RASAL3: variants seen among roughly 807,000 people sequenced by gnomAD.
The protein encoded by RASAL3 is RAS protein activator like-3.
In RASAL3, 74 loss-of-function variants were observed where a neutral mutation model predicts 105.5. The ratio of observed to expected loss-of-function variants is 0.70; its 90% CI spans 0.58 to 0.85. The LOEUF (loss-of-function observed/expected upper bound fraction) is 0.85. RASAL3 is among the 40% of genes least tolerant of loss of function. The pLI, the probability that RASAL3 is intolerant of heterozygous loss-of-function variation, is 0.00. For synonymous variants in RASAL3, 579 were observed against 591.6 expected, an observed-to-expected ratio of 0.98 and a Z score of 0.31; for missense variants, 1,352 against 1,392.0, an observed-to-expected ratio of 0.97 and a Z score of 0.46.
At chr19:15,455,061 C>T (rs960909176) in intron 11 of RASAL3, among the ~76,000 whole-genome samples, 168 bp from the exon 12 acceptor site, 4 of 152,174 alleles carry the variant, frequency 2.6e-5, no homozygotes, top group Non-Finnish European at 5.9e-5. Context: ...GGGGTCTGGG[C>T]TCTAGGATTG....
At chr19:15,455,980 G>T in intron 11 of RASAL3, 124 bp downstream of exon 11, 1 of 1,153,942 alleles carries the variant, frequency 8.7e-7, no homozygotes, top group Non-Finnish European at 1.2e-6. Flanking sequence ...TATAAGCATG[G>T]TCCCAATTAT....
rs1372871579 is a variant in RASAL3 at position 15,453,613 on chromosome 19, T to C, written c.2280-116A>G. 2.9e-6 allele frequency: 3 copies of C among 1,029,844 alleles called. No individual in the cohort carries two copies. The highest frequency in any genetic ancestry group is 3.4e-5 in the African/African-American group (2 of 58,028). 63.8% of individuals were successfully genotyped at this position (1,029,844 alleles called of 1,614,324 possible). On this transcript the variant is annotated intron_variant, in intron 14 of 17. Coordinates refer to ENST00000343625, the MANE Select transcript of RASAL3 (RefSeq NM_022904.3). This position sits in a 1 kb window ranked among gnomAD's most constrained non-coding sequence, Gnocchi z 4.2. ...GAACTTGTCCTTTCTTTTTTTTTTT[T>C]GAGACAAGGTCTTGCTCTGTCGCCC... is the stretch of plus-strand genomic sequence containing the variant.
At position 15,461,411 on chromosome 19, in the gene RASAL3, G is replaced by T. The variant is rs564201575; in HGVS notation, c.465+60C>A. 314 of 1,530,882 alleles carry T rather than the reference G, an allele frequency of 2.1e-4. 1 individual carries two copies. In the African/African-American group the frequency reaches 3.6e-3, roughly 17 times the overall value. 94.8% of individuals were successfully genotyped at this position (1,530,882 alleles called of 1,614,324 possible). A position where few individuals can be genotyped will look rare whatever the true frequency, so the allele number is the denominator to read the frequency against. ...TATCCTCCCTCCAGCCCCTGCCTCT[G>T]TTCTGCCCTCCTCCTTTTTCTTTCT... On this transcript the variant is annotated intron_variant, in intron 3 of 17. Coordinates refer to ENST00000343625, the MANE Select transcript of RASAL3 (RefSeq NM_022904.3).
At chr19:15,452,141 G>C (rs1298477318) in intron 16 of RASAL3, 33 bp from the exon 17 acceptor site, 1 of 1,611,052 alleles carries the variant, frequency 6.2e-7, no homozygotes, top group Non-Finnish European at 8.5e-7. Context: ...GCGAAGGGCA[G>C]AGGCTAAGGA....
Position 15,461,096 on chromosome 19 carries a change from C to T in RASAL3, c.570G>A (p.Pro190=), listed in dbSNP as rs747817614. 9.9e-6 allele frequency: 16 copies of T among 1,613,744 alleles called. No homozygotes were observed. Among genetic ancestry groups the T allele is most frequent in the African/African-American group, 6.7e-5 (5 of 74,906 alleles). ...GGACCTGGTTGGGACCAGCAGTCTC[C>T]GGTTCTGTTTTTCCAGGCATCCGAT... ...DPDRMPGKTE[P]ETAGPNQVHN... is the part of the protein sequence containing the mutation. Residue 190 remains proline, a synonymous_variant, in exon 5 of 18, where the codon CCG becomes CCA. Coordinates refer to ENST00000343625, the MANE Select transcript of RASAL3 (RefSeq NM_022904.3).
chr19:15,454,658 G>C lies in RASAL3; in HGVS notation c.1957C>G (p.Pro653Ala). The C allele has an allele frequency of 6.2e-7, 1 of 1,609,778 alleles. No individual in the cohort carries two copies. Among genetic ancestry groups the C allele is most frequent in the Non-Finnish European group, 8.5e-7 (1 of 1,177,016 alleles). Residue 653 changes from proline to alanine, a missense_variant and splice_region_variant, in exon 12 of 18, where the codon CCG becomes GCG. Coordinates refer to ENST00000343625, the MANE Select transcript of RASAL3 (RefSeq NM_022904.3). The part of the protein sequence containing the change: ...KVIQNLANRA[P>A]FGEKEAYMGF... ...CACCCCTAGCTTCCCAGCACCTACG[G>C]GGCACGGTTGGCGAGGTTCTGGATG...
In RASAL3 at chr19:15,457,004, C is replaced by T; in HGVS notation, c.1431+288G>A. The T allele has an allele frequency of 2.2e-6, 1 of 445,390 alleles. No individual in the cohort carries two copies. The highest frequency in any genetic ancestry group is 6.1e-4 in the Middle Eastern group (1 of 1,634). 27.6% of individuals were successfully genotyped at this position (445,390 alleles called of 1,614,324 possible). A position where few individuals can be genotyped will look rare whatever the true frequency, so the allele number is the denominator to read the frequency against. ...AGGCCCAGTCCTTCAAGGTGCCCCG[C>T]CCCTTACAGGTGCAGCTCAGCCCCA... On this transcript the variant is annotated intron_variant, in intron 9 of 17. Coordinates refer to ENST00000343625, the MANE Select transcript of RASAL3 (RefSeq NM_022904.3). The surrounding 1 kb of genome is among the most constrained non-coding windows in gnomAD (Gnocchi z 8.6).
chr19:15,455,961 AT>A (rs1970301825), intron 11 of RASAL3, 142 bp downstream of exon 11: 7 of 987,656 alleles, frequency 7.1e-6, no homozygotes, highest in Non-Finnish European at 1.0e-5. Flanking sequence ...CAAATGAGTA[AT>A]TTTTTAGTAT....
intron 15 of RASAL3, 76 bp from the exon 16 acceptor site, chr19:15,452,891 C>A: frequency 6.8e-7 from 1 of 1,475,354 alleles, no homozygotes; most frequent in African/African-American, 1.4e-5. Flanking sequence ...ACCTCCCAGG[C>A]CCAAGCGCTC....
intron 2 of RASAL3, among the ~76,000 whole-genome samples, chr19:15,463,140 C>T (rs1970564103): frequency 6.7e-6 from 1 of 149,284 alleles, no homozygotes; most frequent in Non-Finnish European, 1.5e-5. Context: ...GGCGGGAGTG[C>T]AGTAGTGCAA....
Position 15,456,511 on chromosome 19 carries a change from C to G in RASAL3, c.1567G>C (p.Glu523Gln), listed in dbSNP as rs1355938284. 1 of 1,613,740 alleles carries G rather than the reference C, an allele frequency of 6.2e-7. No homozygotes were observed. Among genetic ancestry groups the G allele is most frequent in the South Asian group, 1.1e-5 (1 of 91,016 alleles). ...CTCTCCCCCAGCTCACCCAGGGTCT[C>G]CTGGAGGTAATCCTGTGCCACGAGC... ...MKLVAQDYLQ[E>Q]TLGQVVRRLC... is the part of the protein sequence containing the mutation. Residue 523 changes from glutamate (E) to glutamine (Q), a missense_variant, in exon 10 of 18, where the codon GAG becomes CAG. Transcript: ENST00000343625. The surrounding 1 kb of genome is among the most constrained non-coding windows in gnomAD (Gnocchi z 4.4).
Position 15,454,670 on chromosome 19 carries a change from C to A in RASAL3, c.1945G>T (p.Ala649Ser). 1 of 1,608,872 alleles carries A rather than the reference C, an allele frequency of 6.2e-7. No individual in the cohort carries two copies. The highest frequency in any genetic ancestry group is 1.3e-5 in the African/African-American group (1 of 74,946). Reference protein sequence around the residue: ...TLIAKVIQNLANRAPFGEKEA... With the variant: ...TLIAKVIQNLSNRAPFGEKEA... ...CCCAGCACCTACGGGGCACGGTTGG[C>A]GAGGTTCTGGATGACCTTGGCAATC... Residue 649 changes from alanine (A) to serine (S), a missense_variant, in exon 12 of 18, where the codon GCC (alanine) becomes TCC (serine). This residue lies in a region of RASAL3 where 920 missense variants were observed against 919.6 expected (regional missense o/e 1.00). Coordinates refer to ENST00000343625, the MANE Select transcript of RASAL3 (RefSeq NM_022904.3).
intron 6 of RASAL3, among the ~76,000 whole-genome samples, chr19:15,458,938 C>CTATT (rs113274252): frequency 0.046 from 6,962 of 150,840 alleles, 179 homozygotes; most frequent in Middle Eastern, 0.062. Context: ...TTATTTTATC[C>CTATT]TATTTATTTA....
At position 15,456,929 on chromosome 19, in the gene RASAL3, C is replaced by T. The variant is rs1009105609; in HGVS notation, c.1432-283G>A. Reference sequence around the variant, plus strand: ...GCTTAGGCTCCGCTCTTCAAGGTGTCCCGCCCCTTATGGGTGATAATTAGG... The same window carrying T: ...GCTTAGGCTCCGCTCTTCAAGGTGTTCCGCCCCTTATGGGTGATAATTAGG... On this transcript the variant is annotated intron_variant, in intron 9 of 17. Transcript: ENST00000343625. This position sits in a 1 kb window ranked among gnomAD's most constrained non-coding sequence, Gnocchi z 4.4. The T allele has an allele frequency of 3.5e-5, 19 of 536,598 alleles. No individual in the cohort carries two copies. The highest frequency in any genetic ancestry group is 1.0e-3 in the Middle Eastern group (2 of 1,988). The allele number at this position is 536,598 out of a possible 1,614,324, so 33.2% of individuals were successfully genotyped here. A position where few individuals can be genotyped will look rare whatever the true frequency, so the allele number is the denominator to read the frequency against.
chr19:15,457,449 C>A lies in RASAL3; in HGVS notation c.1274G>T (p.Arg425Leu). The change falls in exon 9 of 18, where the codon CGC (arginine) becomes CTC (leucine). Residue 425 changes from arginine (R) to leucine (L), a missense_variant. Arg to Leu is a moderately radical substitution (Grantham distance 102, BLOSUM62 -2). Around this residue, in one of 3 missense-constraint regions of RASAL3, gnomAD observed 920 missense variants for 919.6 expected, o/e 1.00. Transcript: ENST00000343625. This position sits in a 1 kb window ranked among gnomAD's most constrained non-coding sequence, Gnocchi z 8.6. ...CTTGTAGCGCTCGGACGGCAGCACG[C>A]GCAGGCGACGCGCCCGAATCCGCGC... Reference protein sequence around the residue: ...LRARIRARRLRVLPSERYKEL... With the variant: ...LRARIRARRLLVLPSERYKEL... The A allele has an allele frequency of 7.1e-7, 1 of 1,407,104 alleles. No individual in the cohort carries two copies. The highest frequency in any genetic ancestry group is 1.3e-5 in the South Asian group (1 of 74,922). The allele number at this position is 1,407,104 out of a possible 1,614,324, so 87.2% of individuals were successfully genotyped here. A position where few individuals can be genotyped will look rare whatever the true frequency, so the allele number is the denominator to read the frequency against.
intron 16 of RASAL3, 28 bp downstream of exon 16, chr19:15,452,630 C>T (rs925248773): frequency 1.6e-5 from 24 of 1,456,768 alleles, no homozygotes; most frequent in Non-Finnish European, 2.0e-5. Context: ...CACCTGGGGG[C>T]GGAGCTAATG....
At chr19:15,459,088 G>T (rs1240365770) in intron 6 of RASAL3, among the ~76,000 whole-genome samples, 2 of 151,928 alleles carry the variant, frequency 1.3e-5, no homozygotes, top group African/African-American at 4.8e-5. Context: ...CCACCACCAT[G>T]CCTGGCTAAT....
intron 11 of RASAL3, among the ~76,000 whole-genome samples, chr19:15,455,490 G>T (rs1970288138): frequency 1.3e-5 from 2 of 152,146 alleles, no homozygotes; most frequent in Admixed American, 1.3e-4. Context: ...GGAGCCAGTG[G>T]CATGAAATTG....
rs1970243289 is a variant in RASAL3, at chr19:15,454,157, G to A, written c.2271C>T (p.Val757=). ...ACCAGACTTGAGGTTACCTGGAGTG[G>A]ACCTGGGCCGGGGGCAGTGGGAGAC... ...PMRLPLPPAQ[V]HSSLSAGEKP... Residue 757 remains valine (V), a synonymous_variant, in exon 14 of 18, where the codon GTC becomes GTT. Coordinates refer to ENST00000343625, the MANE Select transcript of RASAL3 (RefSeq NM_022904.3). 1.3e-6 allele frequency: 2 copies of A among 1,560,500 alleles called. No homozygotes were observed. Among genetic ancestry groups the A allele is most frequent in the Admixed American group, 1.9e-5 (1 of 51,884 alleles).
Sources: gnomAD v4.1 joint callset for allele counts (sites outside exome capture counted in the v4.1 genomes callset) on GRCh38, gnomAD v4.1.1 for gene constraint, gnomAD v4.1.1 regional missense constraint, Gnocchi (gnomAD v3.1) non-coding constraint, MANE v1.5 for transcripts, NCBI Gene and HGNC (gene_info 2026-07-23, HGNC 2026-07-21) for gene names.